The following CDT1 variants were observed in gnomAD, a reference collection of about 807,000 sequenced individuals.
CDT1 encodes chromatin licensing and DNA replication factor 1, also known as DNA replication factor Cdt1.
CDT1 carries 66 observed loss-of-function variants against 49.3 expected under a neutral mutation model. The observed-to-expected ratio is 1.34, with a 90% CI of 1.10 to 1.64. The LOEUF (loss-of-function observed/expected upper bound fraction) is 1.64. Ranked by LOEUF, CDT1 falls within the 40% of genes most tolerant of loss-of-function variation. The pLI, the probability that CDT1 is intolerant of heterozygous loss-of-function variation, is 0.00. For missense variants in CDT1, 958 were observed against 807.7 expected, an observed-to-expected ratio of 1.19 and a Z score of -2.26; for synonymous variants, 424 against 347.4, an observed-to-expected ratio of 1.22 and a Z score of -2.45.
rs545633717 is a variant in CDT1 at position 88,806,477 on chromosome 16, T to C, written c.934-9T>C. The C allele has an allele frequency of 3.7e-6, 6 of 1,609,860 alleles. No homozygotes were observed. Among genetic ancestry groups the C allele is most frequent in the Middle Eastern group, 1.7e-4 (1 of 6,058 alleles). ...TGCCCAGGGTCACCCATCTACTCCT[T>C]CTCCCCAGGCCTTCCTGGCCTCCCT... On this transcript the variant is annotated splice_polypyrimidine_tract_variant and intron_variant, in intron 6 of 9. Coordinates refer to ENST00000301019, the MANE Select transcript of CDT1 (RefSeq NM_030928.4).
At chr16:88,806,346 C>A in intron 6 of CDT1, 140 bp from the exon 7 acceptor site, 1 of 1,149,772 alleles carries the variant, frequency 8.7e-7, no homozygotes, top group Non-Finnish European at 1.3e-6. Flanking sequence ...TTGTGCTCTC[C>A]CTCCAAGCTG....
In CDT1 at chr16:88,809,131, C is replaced by G. The variant is rs1165144345; in HGVS notation, c.*853C>G. On this transcript the variant is annotated 3_prime_UTR_variant, in exon 10 of 10. Coordinates refer to ENST00000301019, the MANE Select transcript of CDT1 (RefSeq NM_030928.4). ...CGCGGCCCTGCCCCGACACAGGCAG[C>G]CTGGAGAAGCTGGGCAGGACAAGTA... 2 of 260,622 alleles carry G rather than the reference C, an allele frequency of 7.7e-6. No homozygotes were observed. The highest frequency in any genetic ancestry group is 1.5e-5 in the Non-Finnish European group (2 of 131,666). 16.1% of individuals were successfully genotyped at this position (260,622 alleles called of 1,614,324 possible). A position where few individuals can be genotyped will look rare whatever the true frequency, so the allele number is the denominator to read the frequency against.
chr16:88,805,475 C>G lies in CDT1; in HGVS notation c.524C>G (p.Ala175Gly). 6.2e-7 allele frequency: 1 copy of G among 1,612,822 alleles called. No homozygotes were observed. Among genetic ancestry groups the G allele is most frequent in the Non-Finnish European group, 8.5e-7 (1 of 1,179,966 alleles). The change falls in exon 4 of 10, where the codon GCC (alanine) becomes GGC (glycine). Residue 175 changes from alanine to glycine, a missense_variant. Ala to Gly is a moderately conservative substitution (Grantham distance 60). Coordinates refer to ENST00000301019, the MANE Select transcript of CDT1 (RefSeq NM_030928.4). ...GCGCCCGCCTACCAGCGCTTCCATG[C>G]CCTGGCCCAGCCCGGCCTGCCGGGA... is the stretch of plus-strand genomic sequence containing the variant. ...EKAPAYQRFH[A>G]LAQPGLPGLV...
chr16:88,807,032 C>T lies in CDT1; in HGVS notation c.1123-19C>T, dbSNP rs1462201723. ...GTTGCATCTTGTGACCTCTCCAGTC[C>T]AACCTGTCCCTCCCGCAGATGGAGA... On this transcript the variant is annotated intron_variant, in intron 7 of 9. Transcript: ENST00000301019. The T allele has an allele frequency of 1.9e-6, 3 of 1,612,684 alleles. No individual in the cohort carries two copies. Among genetic ancestry groups the T allele is most frequent in the Non-Finnish European group, 2.5e-6 (3 of 1,179,944 alleles).
At chr16:88,805,245 G>A (rs993378245) in intron 3 of CDT1, among the ~76,000 whole-genome samples, 195 bp from the exon 4 acceptor site, 1 of 152,242 alleles carries the variant, frequency 6.6e-6, no homozygotes. Context: ...GCAGAGCTGG[G>A]GTGTGGAGCC....
In CDT1 at chr16:88,808,571, C is replaced by G; in HGVS notation, c.*293C>G. ...GATCCAGCACCCCCTGGGGGGCCATCGGGAGTGTGGCTGGGGGTGAAGGGG... is the reference window on the plus strand; with the variant it reads ...GATCCAGCACCCCCTGGGGGGCCATGGGGAGTGTGGCTGGGGGTGAAGGGG... On this transcript the variant is annotated 3_prime_UTR_variant, in exon 10 of 10. Transcript: ENST00000301019. The G allele has an allele frequency of 4.1e-6, 2 of 482,942 alleles. No individual in the cohort carries two copies. The highest frequency in any genetic ancestry group is 2.5e-5 in the South Asian group (1 of 39,654). 29.9% of individuals were successfully genotyped at this position (482,942 alleles called of 1,614,324 possible).
Position 88,805,709 on chromosome 16 carries a change from C to G in CDT1, c.687-15C>G. On this transcript the variant is annotated splice_polypyrimidine_tract_variant and intron_variant, in intron 4 of 9. Coordinates refer to ENST00000301019, the MANE Select transcript of CDT1 (RefSeq NM_030928.4). ...GCCCGGGCCTGCCTCCTGAGCCGCC[C>G]CCATCCTCCCATAGGCGTTTTGAGG... 1 of 1,612,844 alleles carries G rather than the reference C, an allele frequency of 6.2e-7. No individual in the cohort carries two copies. The highest frequency in any genetic ancestry group is 8.5e-7 in the Non-Finnish European group (1 of 1,180,012).
chr16:88,805,200 G>C (rs1908804108), intron 3 of CDT1, among the ~76,000 whole-genome samples: 2 of 152,254 alleles, frequency 1.3e-5, no homozygotes, highest in African/African-American at 4.8e-5. Context: ...GCTGGGGAGA[G>C]GGCAGAGCTT....
chr16:88,806,403 G>T, intron 6 of CDT1, 83 bp from the exon 7 acceptor site: 2 of 1,503,968 alleles, frequency 1.3e-6, no homozygotes, highest in South Asian at 2.4e-5. Flanking sequence ...GCCCGGCTGG[G>T]ACGTAAGCAC....
At chr16:88,806,724 GCCTGACC>G in intron 7 of CDT1, 50 bp downstream of exon 7, 3 of 1,549,494 alleles carry the variant, frequency 1.9e-6, no homozygotes, top group Non-Finnish European at 2.6e-6. Context: ...GGGTGGGCCA[GCCTGACC>G]CCAGGCTTAA....
At position 88,803,803 on chromosome 16, in the gene CDT1, T is replaced by C; in HGVS notation, c.-29T>C. ...CCCGCCTCTTCCTCCCTTCCTTCTT[T>C]CCTTGCTTTCGCCGCGCACTCCGCC... On this transcript the variant is annotated 5_prime_UTR_variant, in exon 1 of 10. Coordinates refer to ENST00000301019, the MANE Select transcript of CDT1 (RefSeq NM_030928.4). 1 of 1,498,428 alleles carries C rather than the reference T, an allele frequency of 6.7e-7. No individual in the cohort carries two copies. Among genetic ancestry groups the C allele is most frequent in the Non-Finnish European group, 8.9e-7 (1 of 1,118,900 alleles). 92.8% of individuals were successfully genotyped at this position (1,498,428 alleles called of 1,614,324 possible).
Position 88,803,984 on chromosome 16 carries a change from C to A in CDT1, c.153C>A (p.Ala51=). The change falls in exon 1 of 10, where the codon GCC becomes GCA. Residue 51 remains alanine (A), a synonymous_variant. Transcript: ENST00000301019. ...CTACCAGTGGCAGCCGCAAGCGCGC[C>A]CGCCCGCCCGCCGCCCCCGGACGCG... is the stretch of plus-strand genomic sequence containing the variant. ...ASATSGSRKR[A]RPPAAPGRDQ... is the part of the protein sequence containing the mutation. The A allele has an allele frequency of 7.0e-7, 1 of 1,430,810 alleles. No individual in the cohort carries two copies. Among genetic ancestry groups the A allele is most frequent in the Admixed American group, 2.7e-5 (1 of 37,416 alleles). 88.6% of individuals were successfully genotyped at this position (1,430,810 alleles called of 1,614,324 possible).
At position 88,805,594 on chromosome 16, in the gene CDT1, A is replaced by T. The variant is rs201871319; in HGVS notation, c.643A>T (p.Thr215Ser). The change falls in exon 4 of 10, where the codon ACC becomes TCC. Residue 215 changes from threonine to serine, a missense_variant. Physicochemically the swap from Thr to Ser is moderately conservative, Grantham distance 58. Transcript: ENST00000301019. Reference sequence around the variant, plus strand: ...GCTCCACAACCGCTCCGAGACGCCCACCTTTGCCAAGGTCCAGCGGGGCGT... The same window carrying T: ...GCTCCACAACCGCTCCGAGACGCCCTCCTTTGCCAAGGTCCAGCGGGGCGT... ...GMLHNRSETP[T>S]FAKVQRGVQD... 6.2e-7 allele frequency: 1 copy of T among 1,612,702 alleles called. No homozygotes were observed. Among genetic ancestry groups the T allele is most frequent in the East Asian group, 2.2e-5 (1 of 44,856 alleles).
In CDT1 at chr16:88,806,487, C is replaced by G. The variant is rs751161254; in HGVS notation, c.935C>G (p.Ala312Gly). The change falls in exon 7 of 10, where the codon GCC becomes GGC. Residue 312 changes from alanine to glycine, a missense_variant and splice_region_variant. By Grantham distance (60) the Ala-to-Gly change is moderately conservative. Coordinates refer to ENST00000301019, the MANE Select transcript of CDT1 (RefSeq NM_030928.4). ...LVEHVKEHHKAFLASLSPAMV... is the reference protein window; with the variant it reads ...LVEHVKEHHKGFLASLSPAMV... Reference sequence around the variant, plus strand: ...CACCCATCTACTCCTTCTCCCCAGGCCTTCCTGGCCTCCCTGAGCCCCGCC... The same window carrying G: ...CACCCATCTACTCCTTCTCCCCAGGGCTTCCTGGCCTCCCTGAGCCCCGCC... 3.1e-6 allele frequency: 5 copies of G among 1,610,226 alleles called. No homozygotes were observed. The highest frequency in any genetic ancestry group is 4.2e-6 in the Non-Finnish European group (5 of 1,179,010).
intron 7 of CDT1, 148 bp from the exon 8 acceptor site, chr16:88,806,903 T>C: frequency 8.2e-7 from 1 of 1,225,428 alleles, no homozygotes; most frequent in Non-Finnish European, 1.2e-6. Context: ...CAGGCGATGC[T>C]GCACACTGGG....
rs760203813 is a variant in CDT1 at position 88,803,824 on chromosome 16, C to T, written c.-8C>T. Reference sequence around the variant, plus strand: ...TCTTTCCTTGCTTTCGCCGCGCACTCCGCCGCCATGGAGCAGCGCCGCGTC... The same window carrying T: ...TCTTTCCTTGCTTTCGCCGCGCACTTCGCCGCCATGGAGCAGCGCCGCGTC... On this transcript the variant is annotated 5_prime_UTR_variant, in exon 1 of 10. Transcript: ENST00000301019. The T allele has an allele frequency of 5.3e-6, 8 of 1,514,454 alleles. No homozygotes were observed. The highest frequency in any genetic ancestry group is 1.8e-5 in the Admixed American group (1 of 54,654). The allele number at this position is 1,514,454 out of a possible 1,614,324, so 93.8% of individuals were successfully genotyped here.
rs546779235 is a variant in CDT1 at position 88,804,476 on chromosome 16, C to T, written c.229-69C>T. The T allele has an allele frequency of 8.1e-5, 127 of 1,571,696 alleles. No individual in the cohort carries two copies. In the African/African-American group the frequency reaches 1.6e-3, roughly 20 times the overall value. ...TAACTCAGAGCGGCTTCTGATCCTT[C>T]GGGGTCCTCTGCAGAGCCAGGAGCA... On this transcript the variant is annotated intron_variant, in intron 1 of 9. Coordinates refer to ENST00000301019, the MANE Select transcript of CDT1 (RefSeq NM_030928.4).
Position 88,808,846 on chromosome 16 carries a change from A to G in CDT1, c.*568A>G, listed in dbSNP as rs1009275420. The G allele has an allele frequency of 1.9e-5, 3 of 159,644 alleles. No individual in the cohort carries two copies. The highest frequency in any genetic ancestry group is 4.1e-5 in the Non-Finnish European group (3 of 72,630). The allele number at this position is 159,644 out of a possible 1,614,324, so 9.9% of individuals were successfully genotyped here. A position where few individuals can be genotyped will look rare whatever the true frequency, so the allele number is the denominator to read the frequency against. On this transcript the variant is annotated 3_prime_UTR_variant, in exon 10 of 10. Transcript: ENST00000301019. ...CCCATCTCTACTAAAAATACAAAAA[A>G]TTAGCCGGGTGTGGTGGTGGGCACC...
At position 88,807,104 on chromosome 16, in the gene CDT1, C is replaced by G. The variant is rs143599393; in HGVS notation, c.1176C>G (p.Pro392=). Residue 392 remains proline, a synonymous_variant, in exon 8 of 10, where the codon CCC becomes CCG. Transcript: ENST00000301019. ...LALRSAAPSS[P]GSPRPALPAT... ...TGCGCTCTGCTGCGCCCAGCAGCCC[C>G]GGGTCTCCCAGGCCAGCACTGCCGG... 3 of 1,612,812 alleles carry G rather than the reference C, an allele frequency of 1.9e-6. No individual in the cohort carries two copies. Among genetic ancestry groups the G allele is most frequent in the Non-Finnish European group, 2.5e-6 (3 of 1,179,956 alleles).
Sources: gnomAD v4.1 joint callset for allele counts (sites outside exome capture counted in the v4.1 genomes callset) on GRCh38, gnomAD v4.1.1 for gene constraint, MANE v1.5 for transcripts, NCBI Gene and HGNC (gene_info 2026-07-23, HGNC 2026-07-21) for gene names.